ATP6V0A2: variants seen among roughly 807,000 people sequenced by gnomAD.
ATP6V0A2 encodes the protein V-type proton ATPase 116 kDa subunit a 2.
ATP6V0A2 carries 58 observed loss-of-function variants against 104.4 expected under a neutral mutation model. The ratio of observed to expected loss-of-function variants is 0.56; its 90% CI spans 0.45 to 0.69. The LOEUF (loss-of-function observed/expected upper bound fraction) is 0.69. ATP6V0A2 is among the 30% of genes least tolerant of loss of function. ATP6V0A2 has a pLI of 0.00. For synonymous variants in ATP6V0A2, 376 were observed against 397.9 expected, an observed-to-expected ratio of 0.95 and a Z score of 0.65; for missense variants, 938 against 1,062.9, an observed-to-expected ratio of 0.88 and a Z score of 1.63.
chr12:123,745,082 G>T, intron 13 of ATP6V0A2, 110 bp downstream of exon 13: 1 of 1,110,566 alleles, frequency 9.0e-7, no homozygotes, highest in Non-Finnish European at 1.3e-6. Context: ...TGCCCTGAGC[G>T]GGAGGTGCTC....
At chr12:123,745,614 G>A (rs1470631139) in intron 13 of ATP6V0A2, among the ~76,000 whole-genome samples, 2 of 152,176 alleles carry the variant, frequency 1.3e-5, no homozygotes, top group Admixed American at 1.3e-4. Context: ...GCTGAGGCAG[G>A]AGAATGGCGT....
At chr12:123,751,332 A>T in intron 16 of ATP6V0A2, 103 bp downstream of exon 16, 1 of 1,554,006 alleles carries the variant, frequency 6.4e-7, no homozygotes, top group African/African-American at 1.4e-5. Flanking sequence ...CTGTCTCTTG[A>T]TTTAAAAGCC....
chr12:123,750,352 G>A (rs543391095), intron 15 of ATP6V0A2: 2 of 152,868 alleles, frequency 1.3e-5, no homozygotes, highest in East Asian at 3.9e-4. Context: ...TCCAGCCCAG[G>A]ACTTCTGATG....
chr12:123,735,353 C>T (rs1283249469), intron 7 of ATP6V0A2, among the ~76,000 whole-genome samples, 178 bp from the exon 8 acceptor site: 1 of 152,164 alleles, frequency 6.6e-6, no homozygotes, highest in African/African-American at 2.4e-5. Flanking sequence ...TCTCACTCAG[C>T]AGGTGCTTGT....
In ATP6V0A2 at chr12:123,735,640, G is replaced by A; in HGVS notation, c.825+16G>A. The A allele has an allele frequency of 1.9e-6, 3 of 1,598,096 alleles. No individual in the cohort carries two copies. The highest frequency in any genetic ancestry group is 2.6e-6 in the Non-Finnish European group (3 of 1,165,594). On this transcript the variant is annotated intron_variant, in intron 8 of 19. Coordinates refer to ENST00000330342, the MANE Select transcript of ATP6V0A2 (RefSeq NM_012463.4). ...TCTCTACACTGTGAGTAAGCTGGAA[G>A]TGGATTGCCTCTTTATCTGAGGGCT...
At chr12:123,725,844 A>G (rs531561102) in intron 4 of ATP6V0A2, among the ~76,000 whole-genome samples, 9 of 152,004 alleles carry the variant, frequency 5.9e-5, no homozygotes, top group Admixed American at 1.3e-4. Context: ...TAGTCCATGT[A>G]GTAGCACCTT....
chr12:123,721,552 A>G (rs747458575), intron 2 of ATP6V0A2: 19 of 194,996 alleles, frequency 9.7e-5, no homozygotes, highest in African/African-American at 1.4e-4. Flanking sequence ...TGCCATCATC[A>G]GTTTTCTTCA....
intron 5 of ATP6V0A2, among the ~76,000 whole-genome samples, 193 bp downstream of exon 5, chr12:123,726,478 T>C (rs995772144): frequency 3.3e-5 from 5 of 152,224 alleles, no homozygotes; most frequent in African/African-American, 9.6e-5. Flanking sequence ...ACTTTTTTAC[T>C]CAACACAATG....
Position 123,727,803 on chromosome 12 carries a change from A to C in ATP6V0A2, c.542A>C (p.Asn181Thr), listed in dbSNP as rs757462880. ...CACAGATTTGTGTCTGGCCTAATTA[A>C]CCAAGGAAAAGTGGAAGCATTTGAA... is the stretch of plus-strand genomic sequence containing the variant. ...AKLGFVSGLI[N>T]QGKVEAFEKM... is the part of the protein sequence containing the mutation. Residue 181 changes from asparagine to threonine, a missense_variant, in exon 6 of 20, where the codon AAC (asparagine) becomes ACC (threonine). Physicochemically the swap from Asn to Thr is moderately conservative, Grantham distance 65 (BLOSUM62 0). Transcript: ENST00000330342. 6.2e-7 allele frequency: 1 copy of C among 1,614,174 alleles called. No individual in the cohort carries two copies. Among genetic ancestry groups the C allele is most frequent in the Non-Finnish European group, 8.5e-7 (1 of 1,180,042 alleles).
Position 123,744,405 on chromosome 12 carries a change from A to G in ATP6V0A2, c.1326+68A>G. 6.2e-7 allele frequency: 1 copy of G among 1,602,268 alleles called. No individual in the cohort carries two copies. Among genetic ancestry groups the G allele is most frequent in the East Asian group, 2.2e-5 (1 of 44,818 alleles). On this transcript the variant is annotated intron_variant, in intron 11 of 19. Coordinates refer to ENST00000330342, the MANE Select transcript of ATP6V0A2 (RefSeq NM_012463.4). The surrounding 1 kb of genome is among the most constrained non-coding windows in gnomAD (Gnocchi z 5.4). ...CATTAGCAGTGACCGAAAGAGAGAC[A>G]CCTCTTAGATGTTTGCTGTAGGCTG...
At chr12:123,743,451 C>T (rs758709665) in intron 9 of ATP6V0A2, among the ~76,000 whole-genome samples, 3 of 152,102 alleles carry the variant, frequency 2.0e-5, no homozygotes, top group East Asian at 1.9e-4. Context: ...GTCGGGAGTT[C>T]GAGACCAGCC....
intron 1 of ATP6V0A2, among the ~76,000 whole-genome samples, chr12:123,716,474 T>C (rs1245800802): frequency 6.6e-6 from 1 of 152,182 alleles, no homozygotes; most frequent in Non-Finnish European, 1.5e-5. Flanking sequence ...AGGTGTATGG[T>C]AGAGTTTACC....
chr12:123,733,530 G>C, intron 6 of ATP6V0A2: 1 of 262,680 alleles, frequency 3.8e-6, no homozygotes, highest in Admixed American at 5.0e-5. Context: ...CTGCACCTCA[G>C]CCCTACACTC....
At chr12:123,752,926 A>G (rs1244919817) in intron 17 of ATP6V0A2, among the ~76,000 whole-genome samples, 1 of 152,180 alleles carries the variant, frequency 6.6e-6, no homozygotes, top group Non-Finnish European at 1.5e-5. Flanking sequence ...CATGGTCACA[A>G]GTTGCCCTGG....
chr12:123,725,982 A>G (rs1956444946), intron 4 of ATP6V0A2, among the ~76,000 whole-genome samples: 1 of 152,154 alleles, frequency 6.6e-6, no homozygotes. Flanking sequence ...ACTGTCTTTT[A>G]TGTAAATGTC....
intron 18 of ATP6V0A2, 68 bp downstream of exon 18, chr12:123,754,605 G>A: frequency 8.7e-7 from 1 of 1,152,856 alleles, no homozygotes; most frequent in Non-Finnish European, 1.3e-6. Context: ...GGGCACTGTG[G>A]GATATTTTAA....
In ATP6V0A2 at chr12:123,744,647, G is replaced by A. The variant is rs1325552119; in HGVS notation, c.1377G>A (p.Leu459=). ...NGRYILLLMG[L]FSVYTGLIYN... is the part of the protein sequence containing the mutation. ...GGTACATCCTCCTGCTGATGGGGCT[G>A]TTCTCAGTGTACACTGGCCTCATCT... The change falls in exon 12 of 20, where the codon CTG becomes CTA. Residue 459 remains leucine, a synonymous_variant. Transcript: ENST00000330342. This position sits in a 1 kb window ranked among gnomAD's most constrained non-coding sequence, Gnocchi z 5.4. The A allele has an allele frequency of 1.2e-6, 2 of 1,613,910 alleles. No homozygotes were observed. Among genetic ancestry groups the A allele is most frequent in the Non-Finnish European group, 8.5e-7 (1 of 1,180,042 alleles).
Position 123,727,983 on chromosome 12 carries a change from T to C in ATP6V0A2, c.648+74T>C, listed in dbSNP as rs1956464387. The C allele has an allele frequency of 1.9e-6, 3 of 1,596,286 alleles. No individual in the cohort carries two copies. In the East Asian group the frequency reaches 6.7e-5, roughly 36 times the overall value. ...AGTTGGAGATATGGTAGAAAGAATG[T>C]TTTTCTCCTGAACCATTTGATAATA... On this transcript the variant is annotated intron_variant, in intron 6 of 19. Transcript: ENST00000330342.
At chr12:123,732,747 G>A (rs1254373674) in intron 6 of ATP6V0A2, 2 of 145,912 alleles carry the variant, frequency 1.4e-5, no homozygotes, top group African/African-American at 5.1e-5. Flanking sequence ...CAGTGCCCAA[G>A]CCCACCCTCC....
Sources: gnomAD v4.1 joint callset for allele counts (sites outside exome capture counted in the v4.1 genomes callset) on GRCh38, gnomAD v4.1.1 for gene constraint, Gnocchi (gnomAD v3.1) non-coding constraint, MANE v1.5 for transcripts, NCBI Gene and HGNC (gene_info 2026-07-23, HGNC 2026-07-21) for gene names.